The following NOL4L variants were observed in gnomAD, a reference collection of about 807,000 sequenced individuals.
The protein encoded by NOL4L is nucleolar protein 4 like, also known as nucleolar protein 4-like.
Under a neutral mutation model 64.5 loss-of-function variants are expected in NOL4L, and 7 were observed. The observed-to-expected ratio is 0.11, with a 90% CI of 0.06 to 0.20. The LOEUF (loss-of-function observed/expected upper bound fraction) is 0.20, where lower values mean the gene tolerates loss of function less well. Among genes scored for constraint, NOL4L ranks in the 10% least tolerant of loss-of-function variants. The pLI is 1.00. For missense variants in NOL4L, 680 were observed against 967.1 expected (o/e 0.70, Z 3.94); for synonymous variants, 413 against 401.0 (o/e 1.03, Z -0.36).
chr20:32,493,408 T>C (rs2016544853), intron 4 of NOL4L, among the ~76,000 whole-genome samples: 1 of 152,004 alleles, frequency 6.6e-6, no homozygotes. Context: ...GGGCTGAATC[T>C]AGTGTGTGGG....
chr20:32,528,841 G>A (rs1255380804), intron 1 of NOL4L, among the ~76,000 whole-genome samples: 1 of 152,200 alleles, frequency 6.6e-6, no homozygotes, highest in African/African-American at 2.4e-5. Flanking sequence ...GGGAGTCTGT[G>A]GGGACGTTAG....
chr20:32,448,540 T>G (rs1202165582), intron 10 of NOL4L, among the ~76,000 whole-genome samples: 3 of 152,124 alleles, frequency 2.0e-5, no homozygotes, highest in African/African-American at 7.2e-5. Context: ...GTGTGAAGCC[T>G]CTTTCTGCTA....
chr20:32,583,286 C>T (rs1344682610), intron 1 of NOL4L, among the ~76,000 whole-genome samples: 3 of 151,012 alleles, frequency 2.0e-5, no homozygotes, highest in Non-Finnish European at 3.0e-5. Flanking sequence ...GCCTCCCTCC[C>T]TCGCGGCCCC....
intron 5 of NOL4L, among the ~76,000 whole-genome samples, chr20:32,456,747 C>T (rs1053298453): frequency 6.6e-6 from 1 of 152,204 alleles, no homozygotes; most frequent in Non-Finnish European, 1.5e-5. Context: ...TGGAGGCCCT[C>T]GAAGCCCGGC....
intron 1 of NOL4L, among the ~76,000 whole-genome samples, chr20:32,568,392 A>C (rs2145618613): frequency 6.6e-6 from 1 of 151,138 alleles, no homozygotes. Context: ...TCACCCCTCC[A>C]GCCCCTCCCC....
chr20:32,495,139 C>G (rs1462569274), intron 4 of NOL4L, among the ~76,000 whole-genome samples: 1 of 152,264 alleles, frequency 6.6e-6, no homozygotes, highest in Non-Finnish European at 1.5e-5. Context: ...CTTGTGGACT[C>G]TGAAGGAGGG....
Position 32,461,416 on chromosome 20 carries a change from CT to C in NOL4L, c.842-5022del, listed in dbSNP as rs1347135672. Among the ~76,000 whole-genome samples the C allele has an allele frequency of 0.04, 2,449 of 61,156 alleles. 83 individuals carry two copies. The East Asian group carries it at 0.42, about 10-fold the overall frequency. 40.1% of individuals were successfully genotyped at this position (61,156 alleles called of 152,430 possible). A position where few individuals can be genotyped will look rare whatever the true frequency, so the allele number is the denominator to read the frequency against. ...CTGGCACACTGACCCCTCTACCTTT[CT>C]TTTCTTTTTTTTTTTTTTTTTTTGA... On this transcript the variant is annotated intron_variant, in intron 5 of 10. Transcript: ENST00000621426.
At chr20:32,467,867 G>C (rs139828996) in intron 5 of NOL4L, among the ~76,000 whole-genome samples, 1 of 152,198 alleles carries the variant, frequency 6.6e-6, no homozygotes, top group Non-Finnish European at 1.5e-5. Context: ...ACAGGGGAGG[G>C]GGCCGGGCCA....
intron 1 of NOL4L, among the ~76,000 whole-genome samples, chr20:32,558,167 G>A (rs763323489): frequency 2.0e-5 from 3 of 152,178 alleles, no homozygotes; most frequent in Non-Finnish European, 2.9e-5. Flanking sequence ...GAGTTTGCAC[G>A]ACCTCTCCTA....
chr20:32,511,497 T>C, intron 3 of NOL4L, 41 bp from the exon 4 acceptor site: 5 of 1,414,048 alleles, frequency 3.5e-6, no homozygotes, highest in Non-Finnish European at 4.9e-6. Flanking sequence ...CAGTCTGTGC[T>C]GCGGGCCTGT....
intron 3 of NOL4L, 114 bp downstream of exon 3, chr20:32,520,697 C>A (rs1352639128): frequency 8.2e-6 from 5 of 612,022 alleles, no homozygotes; most frequent in African/African-American, 1.9e-5. Flanking sequence ...GCCTCTGGGA[C>A]TAGCAACAAC....
At position 32,447,468 on chromosome 20, in the gene NOL4L, G is replaced by T; in HGVS notation, c.*128C>A. On this transcript the variant is annotated 3_prime_UTR_variant, in exon 11 of 11. Transcript: ENST00000621426. ...CAAAGTCTCAGGTGCTTGGAGTGTGGCTAGAAACAGCTCTTTTGGATCCCA... is the reference window on the plus strand; with the variant it reads ...CAAAGTCTCAGGTGCTTGGAGTGTGTCTAGAAACAGCTCTTTTGGATCCCA... The T allele has an allele frequency of 8.0e-7, 1 of 1,245,904 alleles. No homozygotes were observed. The highest frequency in any genetic ancestry group is 1.1e-6 in the Non-Finnish European group (1 of 912,976). 77.2% of individuals were successfully genotyped at this position (1,245,904 alleles called of 1,614,324 possible).
chr20:32,547,243 C>T (rs2145602526), intron 1 of NOL4L, among the ~76,000 whole-genome samples: 1 of 152,304 alleles, frequency 6.6e-6, no homozygotes, highest in South Asian at 2.1e-4. Flanking sequence ...CAATGTCACA[C>T]AGCACAAAGC....
chr20:32,541,609 C>G (rs776411854), intron 1 of NOL4L, among the ~76,000 whole-genome samples: 1 of 152,232 alleles, frequency 6.6e-6, no homozygotes, highest in Non-Finnish European at 1.5e-5. Flanking sequence ...CGGCCCGGGC[C>G]TGGAATCTGA....
chr20:32,482,430 G>A (rs1023753177), intron 4 of NOL4L, among the ~76,000 whole-genome samples: 3 of 152,210 alleles, frequency 2.0e-5, no homozygotes, highest in African/African-American at 7.2e-5. Context: ...ACGCAGCTCC[G>A]GGTGGGAGCA....
chr20:32,468,915 AAAAAAG>A (rs1448761428), intron 5 of NOL4L, among the ~76,000 whole-genome samples: 36 of 147,250 alleles, frequency 2.4e-4, no homozygotes, highest in African/African-American at 8.6e-4. Flanking sequence ...AAAAAAAAAA[AAAAAAG>A]AAAGAAAGAA....
At chr20:32,482,395 G>A (rs1313118524) in intron 4 of NOL4L, among the ~76,000 whole-genome samples, 1 of 152,168 alleles carries the variant, frequency 6.6e-6, no homozygotes, top group Non-Finnish European at 1.5e-5. Flanking sequence ...AGCGCAGCCC[G>A]GTAGGGGCGG....
chr20:32,510,254 G>A (rs929906554), intron 4 of NOL4L: 3 of 340,250 alleles, frequency 8.8e-6, no homozygotes, highest in African/African-American at 2.1e-5. Flanking sequence ...CAAAGCCTAC[G>A]TCACACAGCC....
rs765526205 is a variant in NOL4L, at chr20:32,453,579, G to A, written c.1302C>T (p.Phe434=). The A allele has an allele frequency of 1.3e-5, 21 of 1,613,968 alleles. No homozygotes were observed. Among genetic ancestry groups the A allele is most frequent in the Non-Finnish European group, 1.8e-5 (21 of 1,179,970 alleles). The change falls in exon 7 of 11, where the codon TTC becomes TTT. Residue 434 remains phenylalanine (F), a synonymous_variant. Coordinates refer to ENST00000621426, the MANE Select transcript of NOL4L (RefSeq NM_001256798.2). This position sits in a 1 kb window ranked among gnomAD's most constrained non-coding sequence, Gnocchi z 5.6. Reference sequence around the variant, plus strand: ...CCTGTTTCCGGCCGGTGCTCACGTTGAAGGCCTTAAGACGCTCAGGGTCCA... The same window carrying A: ...CCTGTTTCCGGCCGGTGCTCACGTTAAAGGCCTTAAGACGCTCAGGGTCCA... ...EGMDPERLKA[F]NMFVRLFVDE...
Sources: gnomAD v4.1 joint callset for allele counts (sites outside exome capture counted in the v4.1 genomes callset) on GRCh38, gnomAD v4.1.1 for gene constraint, Gnocchi (gnomAD v3.1) non-coding constraint, MANE v1.5 for transcripts, NCBI Gene and HGNC (gene_info 2026-07-23, HGNC 2026-07-21) for gene names.